The following ELP4 variants were observed in gnomAD, a reference collection of about 807,000 sequenced individuals.
ELP4 encodes the protein elongator complex protein 4.
ELP4 carries 51 observed loss-of-function variants against 48.9 expected under a neutral mutation model. That is an observed-to-expected ratio of 1.04 (90% CI 0.83 to 1.32). The LOEUF (loss-of-function observed/expected upper bound fraction) is 1.32, where lower values mean the gene tolerates loss of function less well. Ranked by LOEUF, ELP4 falls within the 40% of genes most tolerant of loss-of-function variation. ELP4 has a pLI of 0.00. For synonymous variants in ELP4, 210 were observed against 189.2 expected (o/e 1.11, Z -0.90); for missense variants, 519 against 514.6 (o/e 1.01, Z -0.08).
At chr11:31,735,145 T>A in intron 9 of ELP4, among the ~76,000 whole-genome samples, 1 of 142,296 alleles carries the variant, frequency 7.0e-6, no homozygotes. Flanking sequence ...TTGGGAAAAC[T>A]GGATATCCAT....
intron 9 of ELP4, among the ~76,000 whole-genome samples, chr11:31,657,957 T>C (rs1945473984): frequency 6.6e-6 from 1 of 152,014 alleles, no homozygotes; most frequent in Non-Finnish European, 1.5e-5. Flanking sequence ...CCATATAACA[T>C]TATTATCTTC....
intron 9 of ELP4, among the ~76,000 whole-genome samples, chr11:31,686,064 A>G (rs1433415904): frequency 3.3e-5 from 5 of 152,062 alleles, no homozygotes; most frequent in Non-Finnish European, 7.4e-5. Context: ...GTCTGTTATA[A>G]TAGTTTCCTT....
At chr11:31,663,174 T>G (rs1945599637) in intron 9 of ELP4, 2 of 152,006 alleles carry the variant, frequency 1.3e-5, no homozygotes, top group Non-Finnish European at 2.9e-5. Flanking sequence ...CATTATAAAT[T>G]TAACCATTTA....
intron 3 of ELP4, among the ~76,000 whole-genome samples, chr11:31,584,899 T>G (rs1957449187): frequency 6.6e-6 from 1 of 152,156 alleles, no homozygotes; most frequent in South Asian, 2.1e-4. Context: ...TTTATATAGT[T>G]AAAATGTTCT....
intron 9 of ELP4, among the ~76,000 whole-genome samples, chr11:31,760,374 A>ATATAT (rs1197282044): frequency 6.6e-6 from 1 of 152,208 alleles, no homozygotes; most frequent in Non-Finnish European, 1.5e-5. Flanking sequence ...TATTTCCAGA[A>ATATAT]TGCCTCTAGT....
intron 9 of ELP4, among the ~76,000 whole-genome samples, chr11:31,681,362 A>G (rs1946047569): frequency 6.6e-6 from 1 of 152,208 alleles, no homozygotes. Context: ...GTTTGTAAAC[A>G]TGCATATCAC....
chr11:31,616,513 C>T (rs1467147879), intron 5 of ELP4, among the ~76,000 whole-genome samples: 5 of 152,098 alleles, frequency 3.3e-5, no homozygotes, highest in Admixed American at 2.0e-4. Flanking sequence ...ATCTTGGATT[C>T]GGCCATTATT....
chr11:31,609,346 G>T (rs1256121197), intron 5 of ELP4, among the ~76,000 whole-genome samples: 1 of 152,164 alleles, frequency 6.6e-6, no homozygotes, highest in Non-Finnish European at 1.5e-5. Flanking sequence ...GTCTTGTGGG[G>T]TTTGAGGGCC....
chr11:31,680,130 G>T (rs1159356016), intron 9 of ELP4, among the ~76,000 whole-genome samples: 1 of 152,046 alleles, frequency 6.6e-6, no homozygotes, highest in Non-Finnish European at 1.5e-5. Context: ...CCAATTATCT[G>T]ATGGATCTAA....
chr11:31,765,691 A>G (rs1948027798), intron 9 of ELP4, among the ~76,000 whole-genome samples: 1 of 152,264 alleles, frequency 6.6e-6, no homozygotes, highest in African/African-American at 2.4e-5. Context: ...ATTAAGATCC[A>G]TTGCTCATTT....
chr11:31,679,472 A>G (rs1175004373), intron 9 of ELP4, among the ~76,000 whole-genome samples: 9 of 152,122 alleles, frequency 5.9e-5, no homozygotes, highest in Non-Finnish European at 7.4e-5. Context: ...AGGCCTCTCT[A>G]CTTGGCTTGT....
At chr11:31,557,631 C>T (rs1399248514) in intron 3 of ELP4, among the ~76,000 whole-genome samples, 2 of 151,878 alleles carry the variant, frequency 1.3e-5, no homozygotes, top group Non-Finnish European at 2.9e-5. Context: ...TATTGTTTTC[C>T]TAGTTCTGCC....
Position 31,672,658 on chromosome 11 carries a change from G to C in ELP4, c.1143+22437G>C, listed in dbSNP as rs186561554. Among the ~76,000 whole-genome samples the C allele has an allele frequency of 2.6e-4, 40 of 152,130 alleles. No individual in the cohort carries two copies. In the South Asian group the frequency reaches 4.4e-3, roughly 17 times the overall value. ...AATACAAAAATTAGCTGGGTGTGGT[G>C]GTGGGCACCTATAGTCCTAGCTACT... On this transcript the variant is annotated intron_variant, in intron 9 of 9. Coordinates refer to ENST00000640961, the MANE Select transcript of ELP4 (RefSeq NM_019040.5).
At chr11:31,771,473 C>G (rs1236993117) in intron 9 of ELP4, among the ~76,000 whole-genome samples, 5 of 152,174 alleles carry the variant, frequency 3.3e-5, no homozygotes, top group Non-Finnish European at 2.9e-5. Flanking sequence ...ATCCAAGTCA[C>G]TTACTACACT....
At chr11:31,572,375 C>T (rs1002549501) in intron 3 of ELP4, among the ~76,000 whole-genome samples, 2 of 151,878 alleles carry the variant, frequency 1.3e-5, no homozygotes, top group Admixed American at 6.6e-5. Context: ...GTAATTAGAC[C>T]CTTTGAAAAG....
rs1948667012 is a variant in ELP4, at chr11:31,786,787, T to G, written c.*3263T>G. Reference sequence around the variant, plus strand: ...GGGGGAAAAATATTCTAGAAATTCATTGCAGTAAAATGCATTTTTTTACTT... The same window carrying G: ...GGGGGAAAAATATTCTAGAAATTCAGTGCAGTAAAATGCATTTTTTTACTT... On this transcript the variant is annotated 3_prime_UTR_variant, in exon 10 of 10. Transcript: ENST00000640961. 1 of 220,852 alleles carries G rather than the reference T, an allele frequency of 4.5e-6. No individual in the cohort carries two copies. The highest frequency in any genetic ancestry group is 9.1e-6 in the Non-Finnish European group (1 of 110,144). The allele number at this position is 220,852 out of a possible 1,614,324, so 13.7% of individuals were successfully genotyped here.
At chr11:31,584,005 G>A (rs923438561) in intron 3 of ELP4, among the ~76,000 whole-genome samples, 2 of 151,908 alleles carry the variant, frequency 1.3e-5, no homozygotes, top group African/African-American at 4.8e-5. Context: ...CCAGACCAAT[G>A]GTTTCATAAA....
intron 9 of ELP4, among the ~76,000 whole-genome samples, chr11:31,763,801 T>C (rs1419599385): frequency 2.0e-5 from 3 of 152,156 alleles, no homozygotes; most frequent in Non-Finnish European, 4.4e-5. Context: ...TGACTTATTT[T>C]AATGTTATAT....
At chr11:31,629,553 A>C (rs1205842247) in intron 6 of ELP4, among the ~76,000 whole-genome samples, 2 of 152,020 alleles carry the variant, frequency 1.3e-5, no homozygotes, top group African/African-American at 2.4e-5. Flanking sequence ...ATATCAGTGT[A>C]TCTGTCAGAG....
Sources: gnomAD v4.1 joint callset for allele counts (sites outside exome capture counted in the v4.1 genomes callset) on GRCh38, gnomAD v4.1.1 for gene constraint, MANE v1.5 for transcripts, NCBI Gene and HGNC (gene_info 2026-07-23, HGNC 2026-07-21) for gene names.